The following KCNIP4 variants were observed in gnomAD, a reference collection of about 807,000 sequenced individuals.
KCNIP4 encodes potassium voltage-gated channel interacting protein 4.
Under a neutral mutation model 34.0 loss-of-function variants are expected in KCNIP4, and 12 were observed. That is an observed-to-expected ratio of 0.35 (90% CI 0.23 to 0.57). The LOEUF (loss-of-function observed/expected upper bound fraction) is 0.57, where lower values mean the gene tolerates loss of function less well. Ranked by LOEUF, KCNIP4 falls within the 20% of genes least tolerant of loss-of-function variation. The pLI is 0.83. For synonymous variants in KCNIP4, 124 were observed against 102.2 expected, an observed-to-expected ratio of 1.21 and a Z score of -1.29; for missense variants, 238 against 311.7, an observed-to-expected ratio of 0.76 and a Z score of 1.78.
intron 1 of KCNIP4, among the ~76,000 whole-genome samples, chr4:21,640,893 C>T (rs1334295442): frequency 6.6e-6 from 1 of 152,120 alleles, no homozygotes; most frequent in African/African-American, 2.4e-5. Context: ...AAATCTTTGA[C>T]AGGACCATAC....
In KCNIP4 at chr4:21,108,090, C is replaced by T. The variant is rs752712680; in HGVS notation, c.62-225381G>A. 3.3e-4 allele frequency among the ~76,000 whole-genome samples: 50 copies of T among 151,380 alleles called. 1 individual carries two copies. Among genetic ancestry groups the T allele is most frequent in the Middle Eastern group, 3.4e-3 (1 of 294 alleles). On this transcript the variant is annotated intron_variant, in intron 1 of 8. Transcript: ENST00000382152. ...GACAATTATGTGTCTTGGAGTTGCT[C>T]TTCTTGAGGAGTATCTTTGTGGCGT...
At chr4:21,447,494 A>G (rs1728133268) in intron 1 of KCNIP4, among the ~76,000 whole-genome samples, 1 of 152,298 alleles carries the variant, frequency 6.6e-6, no homozygotes, top group South Asian at 2.1e-4. Context: ...GGAAACTAAT[A>G]CAGTAGTGAC....
At chr4:20,884,217 T>A (rs538564678) in intron 1 of KCNIP4, among the ~76,000 whole-genome samples, 65 of 152,326 alleles carry the variant, frequency 4.3e-4, no homozygotes, top group African/African-American at 1.5e-3. Flanking sequence ...GTAAGCTTTT[T>A]AAAAATTTTA....
chr4:21,796,469 A>T (rs1720632076), intron 1 of KCNIP4, among the ~76,000 whole-genome samples: 1 of 151,982 alleles, frequency 6.6e-6, no homozygotes, highest in Non-Finnish European at 1.5e-5. Context: ...AAAATCCAGG[A>T]CTCTCTCTGG....
At chr4:20,941,587 C>T (rs1731643870) in intron 1 of KCNIP4, among the ~76,000 whole-genome samples, 1 of 152,216 alleles carries the variant, frequency 6.6e-6, no homozygotes, top group Admixed American at 6.5e-5. Context: ...GGCTTATGAA[C>T]CTGGTAAATT....
chr4:20,912,840 T>C (rs747461843), intron 1 of KCNIP4, among the ~76,000 whole-genome samples: 1 of 152,210 alleles, frequency 6.6e-6, no homozygotes, highest in Non-Finnish European at 1.5e-5. Context: ...GACCATTTTA[T>C]ACTCATGGGT....
intron 1 of KCNIP4, among the ~76,000 whole-genome samples, chr4:21,308,650 G>A (rs760924774): frequency 2.0e-5 from 3 of 152,006 alleles, no homozygotes; most frequent in Non-Finnish European, 4.4e-5. Context: ...CTTTTTAAAA[G>A]ATTTCTCGCC....
In KCNIP4 at chr4:20,925,873, C is replaced by A. The variant is rs754264924; in HGVS notation, c.62-43164G>T. 3.9e-5 allele frequency among the ~76,000 whole-genome samples: 6 copies of A among 152,098 alleles called. No homozygotes were observed. In the East Asian group the frequency reaches 9.7e-4, roughly 24 times the overall value. On this transcript the variant is annotated intron_variant, in intron 1 of 8. Transcript: ENST00000382152. ...AGCACAGACTTCCAATAACTCTTTCCGAGTGGAGTCACATAGGACTCACTT... is the reference window on the plus strand; with the variant it reads ...AGCACAGACTTCCAATAACTCTTTCAGAGTGGAGTCACATAGGACTCACTT...
chr4:21,060,489 G>A (rs999250213), intron 1 of KCNIP4, among the ~76,000 whole-genome samples: 4 of 152,152 alleles, frequency 2.6e-5, no homozygotes, highest in African/African-American at 9.7e-5. Flanking sequence ...CAGTTAAAGG[G>A]AATGTTTGTT....
At chr4:21,290,060 A>G (rs1350657507) in intron 1 of KCNIP4, among the ~76,000 whole-genome samples, 1 of 152,200 alleles carries the variant, frequency 6.6e-6, no homozygotes. Flanking sequence ...TAGGCAAAAC[A>G]TCAAAATCCT....
intron 1 of KCNIP4, among the ~76,000 whole-genome samples, chr4:21,074,073 A>T (rs867427913): frequency 3.9e-5 from 6 of 152,286 alleles, no homozygotes; most frequent in Middle Eastern, 6.8e-3. Context: ...ATCAGTGTTC[A>T]TCAGGGATAT....
intron 1 of KCNIP4, among the ~76,000 whole-genome samples, chr4:21,049,196 C>A (rs1026689664): frequency 4.0e-5 from 6 of 151,772 alleles, no homozygotes; most frequent in African/African-American, 1.4e-4. Flanking sequence ...GTGATCCGCC[C>A]GCCTCGGCCT....
intron 1 of KCNIP4, among the ~76,000 whole-genome samples, chr4:21,062,806 G>A (rs1458322327): frequency 6.6e-6 from 1 of 152,056 alleles, no homozygotes; most frequent in Non-Finnish European, 1.5e-5. Context: ...TTACTTGAGG[G>A]AGGGTCAGCC....
intron 3 of KCNIP4, among the ~76,000 whole-genome samples, chr4:20,829,136 T>A (rs1718116104): frequency 6.6e-6 from 1 of 152,204 alleles, no homozygotes; most frequent in African/African-American, 2.4e-5. Flanking sequence ...TTGTGAAGTG[T>A]GTCTTCTCTA....
chr4:21,696,385 T>C (rs1668556241), intron 1 of KCNIP4, among the ~76,000 whole-genome samples: 1 of 152,268 alleles, frequency 6.6e-6, no homozygotes, highest in South Asian at 2.1e-4. Flanking sequence ...TGGCACATCA[T>C]CCTTACATCA....
chr4:21,575,918 A>T lies in KCNIP4; in HGVS notation c.61+372653T>A, dbSNP rs577067928. Among the ~76,000 whole-genome samples the T allele has an allele frequency of 4.5e-4, 68 of 152,304 alleles. 2 individuals carry two copies. The South Asian group carries it at 5.2e-3, about 12-fold the overall frequency. ...CCCTTAGAATGGTCTTGAAAATCCC[A>T]TATTAAAGATGATAGAGTCATCAGA... On this transcript the variant is annotated intron_variant, in intron 1 of 8. Coordinates refer to ENST00000382152, the MANE Select transcript of KCNIP4 (RefSeq NM_025221.6).
intron 1 of KCNIP4, among the ~76,000 whole-genome samples, chr4:21,344,499 A>G (rs567766273): frequency 6.6e-6 from 1 of 152,160 alleles, no homozygotes; most frequent in South Asian, 2.1e-4. Flanking sequence ...TGGGGCAGAT[A>G]AATTATATTT....
At chr4:21,836,710 A>G (rs1334475417) in intron 1 of KCNIP4, among the ~76,000 whole-genome samples, 1 of 152,108 alleles carries the variant, frequency 6.6e-6, no homozygotes, top group Non-Finnish European at 1.5e-5. Flanking sequence ...ATTTTCTAAA[A>G]GCAAAGGAGC....
chr4:21,579,851 AAC>A (rs1221123381), intron 1 of KCNIP4, among the ~76,000 whole-genome samples: 7 of 152,184 alleles, frequency 4.6e-5, no homozygotes, highest in African/African-American at 1.4e-4. Flanking sequence ...AAGAATATAT[AAC>A]ACAGTAAAAA....
Sources: allele counts gnomAD v4.1 joint callset (sites outside exome capture counted in the v4.1 genomes callset), GRCh38; gene constraint gnomAD v4.1.1; transcripts MANE v1.5; gene names NCBI Gene and HGNC (gene_info 2026-07-23, HGNC 2026-07-21).